The following ITM2C variants were observed in gnomAD, a reference collection of about 807,000 sequenced individuals.
ITM2C encodes the protein integral membrane protein 2C.
A neutral mutation model predicts 30.0 loss-of-function variants in ITM2C; 20 were observed. The observed-to-expected ratio is 0.67, with a 90% CI of 0.47 to 0.97. ITM2C has a LOEUF of 0.97. Ranked by LOEUF, ITM2C falls within the 50% of genes least tolerant of loss-of-function variation. ITM2C has a pLI of 0.00. For synonymous variants in ITM2C, 167 were observed against 156.4 expected (o/e 1.07, Z -0.51); for missense variants, 366 against 371.9 (o/e 0.98, Z 0.13).
Position 230,868,836 on chromosome 2 carries a change from T to G in ITM2C, c.120+3691T>G, listed in dbSNP as rs1697095668. ...AAGAGGGCCTGGCCCGAAAGCACTT[T>G]GTGGAGCAGCGGCCCTGCTCCATCC... On this transcript the variant is annotated intron_variant, in intron 1 of 5. Transcript: ENST00000326427. 2.0e-5 allele frequency among the ~76,000 whole-genome samples: 3 copies of G among 152,210 alleles called. No homozygotes were observed. The South Asian group carries it at 6.2e-4, about 31-fold the overall frequency.
chr2:230,866,768 G>A (rs188466455), intron 1 of ITM2C, among the ~76,000 whole-genome samples: 162 of 152,270 alleles, frequency 1.1e-3, no homozygotes, highest in Middle Eastern at 3.4e-3. Flanking sequence ...GAGGCAGCAC[G>A]CTTGCCCATC....
chr2:230,873,581 G>A, intron 2 of ITM2C, 24 bp downstream of exon 2: 5 of 1,584,248 alleles, frequency 3.2e-6, no homozygotes, highest in Non-Finnish European at 4.3e-6. Context: ...CCAGGTAGGG[G>A]CAAGGCCTCG....
intron 1 of ITM2C, among the ~76,000 whole-genome samples, chr2:230,866,267 T>A (rs1366399869): frequency 6.6e-6 from 1 of 152,214 alleles, no homozygotes; most frequent in African/African-American, 2.4e-5. Context: ...AAAGTCTTTG[T>A]CCACTGCTTC....
chr2:230,876,526 G>A (rs1319322651), intron 3 of ITM2C, among the ~76,000 whole-genome samples: 1 of 152,058 alleles, frequency 6.6e-6, no homozygotes, highest in Non-Finnish European at 1.5e-5. Context: ...CTGTCGCCCA[G>A]GCTGGAGTGC....
At chr2:230,872,981 G>A (rs1052927178) in intron 1 of ITM2C, among the ~76,000 whole-genome samples, 1 of 152,142 alleles carries the variant, frequency 6.6e-6, no homozygotes, top group African/African-American at 2.4e-5. Context: ...CAGCCTGCCT[G>A]GTGTGTCTCA....
chr2:230,869,295 G>A (rs1697106793), intron 1 of ITM2C, among the ~76,000 whole-genome samples: 1 of 152,228 alleles, frequency 6.6e-6, no homozygotes, highest in African/African-American at 2.4e-5. Flanking sequence ...CCTGCAGTCT[G>A]GAAGGGAGGA....
intron 2 of ITM2C, among the ~76,000 whole-genome samples, chr2:230,873,902 G>A (rs540548891): frequency 6.6e-6 from 1 of 152,356 alleles, no homozygotes; most frequent in African/African-American, 2.4e-5. Context: ...CCCTGCACCT[G>A]CAGGTCACGC....
upstream of ITM2C, chr2:230,864,529 G>C (rs1696973177): frequency 6.6e-6 from 1 of 152,502 alleles, no homozygotes; most frequent in Non-Finnish European, 1.5e-5. The surrounding 1 kb of genome is among the most constrained non-coding windows in gnomAD (Gnocchi z 4.3). Context: ...TTTCTAAAGG[G>C]GAAGACCTGA....
Position 230,875,643 on chromosome 2 carries a change from CT to C in ITM2C, c.286del (p.Cys96ValfsTer23). On this transcript the variant is annotated frameshift_variant, in exon 3 of 6. Transcript: ENST00000326427. LOFTEE classifies it high-confidence loss of function. ...AGCTGGCCCGAGATAACTTCTTCCG[CT>C]GTGGTGTGCTGTATGAGGACTCCCT... is the stretch of plus-strand genomic sequence containing the variant. ...AQLARDNFFRCGVLYEDSLSS... is the reference protein window; with the variant it reads ...AQLARDNFFRXGVLYEDSLSS... 6.2e-7 allele frequency: 1 copy of C among 1,608,000 alleles called. No individual in the cohort carries two copies.
chr2:230,875,833 TG>T, intron 3 of ITM2C, 25 bp downstream of exon 3: 6 of 134,730 alleles, frequency 4.5e-5, no homozygotes, highest in East Asian at 1.5e-4. Context: ...GGCCTGGGGG[TG>T]GGGGGTGGGA....
In ITM2C at chr2:230,877,551, G is replaced by A. The variant is rs753280838; in HGVS notation, c.712+1G>A. 12 of 1,613,244 alleles carry A rather than the reference G, an allele frequency of 7.4e-6. No individual in the cohort carries two copies. Among genetic ancestry groups the A allele is most frequent in the South Asian group, 3.3e-5 (3 of 91,056 alleles). ...CTCCGGCGCCGGGCAACGCGGAGGC[G>A]TGAGTGGCTGGCTTCACCCACAGTA... is the stretch of plus-strand genomic sequence containing the variant. On this transcript the variant is annotated splice_donor_variant, in intron 5 of 5. Coordinates refer to ENST00000326427, the MANE Select transcript of ITM2C (RefSeq NM_030926.6). LOFTEE classifies it high-confidence loss of function. This position sits in a 1 kb window ranked among gnomAD's most constrained non-coding sequence, Gnocchi z 4.8.
chr2:230,873,531 A>G lies in ITM2C; in HGVS notation c.235A>G (p.Ile79Val), dbSNP rs1214511213. 5.0e-6 allele frequency: 8 copies of G among 1,608,884 alleles called. No homozygotes were observed. Among genetic ancestry groups the G allele is most frequent in the South Asian group, 2.2e-5 (2 of 90,004 alleles). Reference sequence around the variant, plus strand: ...GGGCCTCGTGTTCGCCTCTGTCTACATCTACAGATACTTCTTCCTTGCGCA... The same window carrying G: ...GGGCCTCGTGTTCGCCTCTGTCTACGTCTACAGATACTTCTTCCTTGCGCA... ...LMGLVFASVY[I>V]YRYFFLAQLA... The change falls in exon 2 of 6, where the codon ATC becomes GTC. Residue 79 changes from isoleucine (I) to valine (V), a missense_variant. Physicochemically the swap from Ile to Val is conservative, Grantham distance 29 (BLOSUM62 3). Transcript: ENST00000326427.
Position 230,877,891 on chromosome 2 carries a change from G to A in ITM2C, c.713-117G>A. Reference sequence around the variant, plus strand: ...CCCCATTTCTCACTGTGCTCTTTGGGTGAATCTGGGTGAATGGTGTCACTT... The same window carrying A: ...CCCCATTTCTCACTGTGCTCTTTGGATGAATCTGGGTGAATGGTGTCACTT... On this transcript the variant is annotated intron_variant, in intron 5 of 5. Transcript: ENST00000326427. The surrounding 1 kb of genome is among the most constrained non-coding windows in gnomAD (Gnocchi z 4.8). 2.5e-6 allele frequency: 2 copies of A among 792,046 alleles called. No individual in the cohort carries two copies. The highest frequency in any genetic ancestry group is 2.5e-5 in the Admixed American group (1 of 40,408). The allele number at this position is 792,046 out of a possible 1,614,324, so 49.1% of individuals were successfully genotyped here. A position where few individuals can be genotyped will look rare whatever the true frequency, so the allele number is the denominator to read the frequency against.
At chr2:230,874,549 A>T (rs1398086408) in intron 2 of ITM2C, among the ~76,000 whole-genome samples, 1 of 151,640 alleles carries the variant, frequency 6.6e-6, no homozygotes, top group African/African-American at 2.4e-5. Flanking sequence ...TTGTGTGGAC[A>T]CCTCCCAGCA....
rs762679145 is a variant in ITM2C at position 230,864,999 on chromosome 2, G to A, written c.-27G>A. 1.0e-5 allele frequency: 15 copies of A among 1,449,748 alleles called. 1 individual carries two copies. In the South Asian group the frequency reaches 2.1e-4, roughly 20 times the overall value. 89.8% of individuals were successfully genotyped at this position (1,449,748 alleles called of 1,614,324 possible). On this transcript the variant is annotated 5_prime_UTR_variant, in exon 1 of 6. Coordinates refer to ENST00000326427, the MANE Select transcript of ITM2C (RefSeq NM_030926.6). This position sits in a 1 kb window ranked among gnomAD's most constrained non-coding sequence, Gnocchi z 4.3. Reference sequence around the variant, plus strand: ...CCGAGGCTGCACCGGCAGAGGCTGCGGGGCGGACGCGCGGGCCGGCGCAGC... The same window carrying A: ...CCGAGGCTGCACCGGCAGAGGCTGCAGGGCGGACGCGCGGGCCGGCGCAGC...
chr2:230,877,073 G>A lies in ITM2C; in HGVS notation c.561+106G>A. The A allele has an allele frequency of 1.2e-6, 1 of 843,586 alleles. No individual in the cohort carries two copies. Among genetic ancestry groups the A allele is most frequent in the Non-Finnish European group, 2.0e-6 (1 of 512,496 alleles). 52.3% of individuals were successfully genotyped at this position (843,586 alleles called of 1,614,324 possible). On this transcript the variant is annotated intron_variant, in intron 4 of 5. Coordinates refer to ENST00000326427, the MANE Select transcript of ITM2C (RefSeq NM_030926.6). This position sits in a 1 kb window ranked among gnomAD's most constrained non-coding sequence, Gnocchi z 4.8. ...CAGGAAGTTCCTGTGTCAGGGGTTGGGGGAGCAAGAGACATTGCTGGCACC... is the reference window on the plus strand; with the variant it reads ...CAGGAAGTTCCTGTGTCAGGGGTTGAGGGAGCAAGAGACATTGCTGGCACC...
rs1359200612 is a variant in ITM2C at position 230,878,217 on chromosome 2, C to T, written c.*118C>T. ...TTTGGACGCGTTTCTATAGAGGTGA[C>T]ATGTCTCTCCATTCCTCTCCAACCC... is the stretch of plus-strand genomic sequence containing the variant. On this transcript the variant is annotated 3_prime_UTR_variant, in exon 6 of 6. Coordinates refer to ENST00000326427, the MANE Select transcript of ITM2C (RefSeq NM_030926.6). The surrounding 1 kb of genome is among the most constrained non-coding windows in gnomAD (Gnocchi z 4.5). 1.6e-6 allele frequency: 1 copy of T among 626,168 alleles called. No homozygotes were observed. The highest frequency in any genetic ancestry group is 1.9e-5 in the African/African-American group (1 of 52,436). The allele number at this position is 626,168 out of a possible 1,614,324, so 38.8% of individuals were successfully genotyped here. A position where few individuals can be genotyped will look rare whatever the true frequency, so the allele number is the denominator to read the frequency against.
At chr2:230,875,540 G>A (rs1007755867) in intron 2 of ITM2C, 80 bp from the exon 3 acceptor site, 30 of 1,267,292 alleles carry the variant, frequency 2.4e-5, no homozygotes, top group African/African-American at 7.5e-5. Flanking sequence ...TGTAGCGGAC[G>A]GGTAGGCAAG....
Position 230,878,545 on chromosome 2 carries a change from C to T in ITM2C, c.*446C>T, listed in dbSNP as rs1689999100. On this transcript the variant is annotated 3_prime_UTR_variant, in exon 6 of 6. Transcript: ENST00000326427. This position sits in a 1 kb window ranked among gnomAD's most constrained non-coding sequence, Gnocchi z 4.5. ...CAGAAGCTTTTTCTTGGAGGGTACA[C>T]TTTCTTCACTGTCCCTATTCCTAGA... is the stretch of plus-strand genomic sequence containing the variant. 1 of 154,690 alleles carries T rather than the reference C, an allele frequency of 6.5e-6. No homozygotes were observed. The highest frequency in any genetic ancestry group is 1.4e-5 in the Non-Finnish European group (1 of 69,394). The allele number at this position is 154,690 out of a possible 1,614,324, so 9.6% of individuals were successfully genotyped here.
Sources: allele counts gnomAD v4.1 joint callset (sites outside exome capture counted in the v4.1 genomes callset), GRCh38; gene constraint gnomAD v4.1.1; non-coding constraint Gnocchi (gnomAD v3.1); transcripts MANE v1.5; gene names NCBI Gene and HGNC (gene_info 2026-07-23, HGNC 2026-07-21).